The following NAA11 variants were observed in gnomAD, a reference collection of about 807,000 sequenced individuals.
NAA11 encodes N-alpha-acetyltransferase 11, NatA catalytic subunit.
A neutral mutation model predicts 16.1 loss-of-function variants in NAA11; 15 were observed. That is an observed-to-expected ratio of 0.93 (90% confidence interval 0.62 to 1.44). NAA11 has a LOEUF of 1.44. Among genes scored for constraint, NAA11 ranks in the 40% most tolerant of loss-of-function variants. The pLI is 0.00. For missense variants in NAA11, 298 were observed against 291.3 expected (o/e 1.02, Z -0.17); for synonymous variants, 122 against 112.4 (o/e 1.09, Z -0.54).
chr4:79,173,707 G>C, the NAA11 span, among the ~76,000 whole-genome samples: 1 of 152,044 alleles, frequency 6.6e-6, no homozygotes, highest in Non-Finnish European at 1.5e-5. Flanking sequence ...ACGGCTGGGA[G>C]GGGAGGAAGC....
In NAA11 at chr4:79,290,790, G is replaced by A. The variant is rs542423841; in HGVS notation, c.*122+3215C>T. Among the ~76,000 whole-genome samples, 4 of 152,252 alleles carry A rather than the reference G, an allele frequency of 2.6e-5. No homozygotes were observed. In the South Asian group the frequency reaches 6.2e-4, roughly 24 times the overall value. Reference sequence around the variant, plus strand: ...GAACTTGCTGCATATGGAGTCTGCAGATTTTTTATACTGAAATTAAGATTT... The same window carrying A: ...GAACTTGCTGCATATGGAGTCTGCAAATTTTTTATACTGAAATTAAGATTT... On this transcript the variant is annotated intron_variant and NMD_transcript_variant, in intron 2 of 2. Transcript: ENST00000511542.
Position 79,265,682 on chromosome 4 carries a change from A to G in NAA11, c.*122+28323T>C, listed in dbSNP as rs183191985. Among the ~76,000 whole-genome samples, 8 of 152,148 alleles carry G rather than the reference A, an allele frequency of 5.3e-5. No individual in the cohort carries two copies. The East Asian group carries it at 1.5e-3, about 29-fold the overall frequency. On this transcript the variant is annotated intron_variant and NMD_transcript_variant, in intron 2 of 2. Coordinates refer to the NAA11 transcript ENST00000511542. Reference sequence around the variant, plus strand: ...ATCAGTCCTTGGCTCATTTCAATTTATGAGAAAGAGGTTTTATGACCAAGT... The same window carrying G: ...ATCAGTCCTTGGCTCATTTCAATTTGTGAGAAAGAGGTTTTATGACCAAGT...
intron 1 of NAA11, among the ~76,000 whole-genome samples, chr4:79,322,514 T>C (rs1249092651): frequency 6.6e-6 from 1 of 151,664 alleles, no homozygotes; most frequent in African/African-American, 2.4e-5. Context: ...TGTATATATA[T>C]ATATATGGTT....
At chr4:79,285,759 A>G (rs193281388) in intron 2 of NAA11, among the ~76,000 whole-genome samples, 5 of 152,204 alleles carry the variant, frequency 3.3e-5, no homozygotes, top group Admixed American at 3.3e-4. Flanking sequence ...AGTAGTGTAA[A>G]TCATGCTACA....
the NAA11 span, among the ~76,000 whole-genome samples, chr4:79,191,580 A>G: frequency 4.6e-5 from 7 of 152,150 alleles, no homozygotes; most frequent in African/African-American, 1.7e-4. Flanking sequence ...GCTGGATATT[A>G]GACCATTCTC....
chr4:79,241,241 T>C (rs927704621), intron 2 of NAA11, among the ~76,000 whole-genome samples: 8 of 152,216 alleles, frequency 5.3e-5, no homozygotes, highest in African/African-American at 1.7e-4. Flanking sequence ...CTCTTTCTTA[T>C]GATTTTCTTA....
the NAA11 span, among the ~76,000 whole-genome samples, chr4:79,198,585 C>G: frequency 6.6e-6 from 1 of 151,832 alleles, no homozygotes; most frequent in East Asian, 1.9e-4. Flanking sequence ...TGGCATTTTC[C>G]ACATGCACAC....
chr4:79,297,447 C>T (rs377755170), intron 1 of NAA11, among the ~76,000 whole-genome samples: 5 of 152,162 alleles, frequency 3.3e-5, no homozygotes, highest in South Asian at 2.1e-4. Flanking sequence ...CCCTCCCAAA[C>T]GTAGGGCCTG....
intron 2 of NAA11, among the ~76,000 whole-genome samples, chr4:79,259,530 G>C (rs1293812449): frequency 6.6e-6 from 1 of 152,210 alleles, no homozygotes; most frequent in Non-Finnish European, 1.5e-5. Context: ...ACCCTTGGCA[G>C]GCATGGGATC....
intron 1 of NAA11, among the ~76,000 whole-genome samples, chr4:79,318,863 G>A (rs1724008314): frequency 6.6e-6 from 1 of 152,186 alleles, no homozygotes; most frequent in South Asian, 2.1e-4. Flanking sequence ...CTATAGGATA[G>A]TTTGTTGTTT....
intron 2 of NAA11, among the ~76,000 whole-genome samples, chr4:79,280,528 T>G (rs1045142967): frequency 1.3e-5 from 2 of 152,080 alleles, no homozygotes; most frequent in Non-Finnish European, 2.9e-5. Flanking sequence ...TCGTGGTTTT[T>G]TGTTTGTTTT....
chr4:79,162,999 A>G, the NAA11 span, among the ~76,000 whole-genome samples: 1 of 152,254 alleles, frequency 6.6e-6, no homozygotes, highest in Non-Finnish European at 1.5e-5. Flanking sequence ...ATAGGGAAAC[A>G]AACTTCAGAG....
At chr4:79,218,697 A>G in the NAA11 span, among the ~76,000 whole-genome samples, 1 of 152,056 alleles carries the variant, frequency 6.6e-6, no homozygotes, top group Non-Finnish European at 1.5e-5. Context: ...ATGGATTTCT[A>G]TGTCTTCTTT....
At chr4:79,305,686 G>A (rs72664048) in intron 1 of NAA11, among the ~76,000 whole-genome samples, 5,969 of 152,216 alleles carry the variant, frequency 0.039, 152 homozygotes, top group African/African-American at 0.064. Flanking sequence ...ATTTGATTAT[G>A]TATTATAAGG....
At chr4:79,249,345 C>A (rs1366814008) in intron 2 of NAA11, among the ~76,000 whole-genome samples, 1 of 152,162 alleles carries the variant, frequency 6.6e-6, no homozygotes, top group Non-Finnish European at 1.5e-5. Context: ...AAAGTTGAAA[C>A]CTAATCCAAG....
intron 2 of NAA11, among the ~76,000 whole-genome samples, chr4:79,249,045 GGA>G (rs2109966575): frequency 6.6e-6 from 1 of 152,266 alleles, no homozygotes; most frequent in Non-Finnish European, 1.5e-5. Flanking sequence ...AACAAAGCAG[GGA>G]GCCCAATGCC....
chr4:79,207,652 C>T, the NAA11 span, among the ~76,000 whole-genome samples: 2 of 152,200 alleles, frequency 1.3e-5, no homozygotes, highest in East Asian at 1.9e-4. Flanking sequence ...ACTAATACAC[C>T]TAACATGCTC....
chr4:79,158,982 T>C, the NAA11 span, among the ~76,000 whole-genome samples: 3 of 152,114 alleles, frequency 2.0e-5, no homozygotes, highest in Non-Finnish European at 2.9e-5. Context: ...ACCATAAAAA[T>C]TCTAGAAGAC....
At chr4:79,191,641 C>T in the NAA11 span, among the ~76,000 whole-genome samples, 1 of 152,062 alleles carries the variant, frequency 6.6e-6, no homozygotes, top group African/African-American at 2.4e-5. Flanking sequence ...TGTCTGTTTA[C>T]TCTGTTGATA....
Sources: allele counts gnomAD v4.1 joint callset (sites outside exome capture counted in the v4.1 genomes callset), GRCh38; gene constraint gnomAD v4.1.1; transcripts MANE v1.5; gene names NCBI Gene and HGNC (gene_info 2026-07-23, HGNC 2026-07-21).